AGBL4: variants seen among roughly 807,000 people sequenced by gnomAD.
AGBL4 encodes AGBL carboxypeptidase 4.
Under a neutral mutation model 66.4 loss-of-function variants are expected in AGBL4, and 58 were observed. The observed-to-expected ratio is 0.87, with a 90% CI of 0.71 to 1.09. The LOEUF (loss-of-function observed/expected upper bound fraction) is 1.09. Ranked by LOEUF, AGBL4 falls within the 50% of genes least tolerant of loss-of-function variation. AGBL4 has a pLI of 0.00. For synonymous variants in AGBL4, 234 were observed against 222.9 expected (o/e 1.05, Z -0.44); for missense variants, 579 against 631.0 (o/e 0.92, Z 0.88).
intron 5 of AGBL4, among the ~76,000 whole-genome samples, chr1:48,867,533 G>C (rs1289644661): frequency 6.6e-6 from 1 of 152,136 alleles, no homozygotes; most frequent in Non-Finnish European, 1.5e-5. Context: ...TAGAGCCACA[G>C]AGAAGGTCCC....
At chr1:48,862,471 G>A (rs540092879) in intron 6 of AGBL4, among the ~76,000 whole-genome samples, 2 of 152,152 alleles carry the variant, frequency 1.3e-5, no homozygotes, top group South Asian at 2.1e-4. Context: ...ACAGGCGCCC[G>A]CCACCACGCT....
At chr1:49,610,636 G>A (rs978389215) in intron 3 of AGBL4, among the ~76,000 whole-genome samples, 4 of 152,158 alleles carry the variant, frequency 2.6e-5, no homozygotes, top group Non-Finnish European at 5.9e-5. Flanking sequence ...GAGGCTTGAC[G>A]GAGCTATTTG....
At chr1:49,640,720 C>T (rs1004206137) in intron 3 of AGBL4, among the ~76,000 whole-genome samples, 2 of 152,214 alleles carry the variant, frequency 1.3e-5, no homozygotes, top group Non-Finnish European at 1.5e-5. Context: ...TGGAGAGATG[C>T]ATTTTTATAC....
Position 49,781,560 on chromosome 1 carries a change from A to C in AGBL4, c.157+69836T>G, listed in dbSNP as rs149739327. Among the ~76,000 whole-genome samples, 632 of 152,288 alleles carry C rather than the reference A, an allele frequency of 4.2e-3. 2 individuals carry two copies. Among genetic ancestry groups the C allele is most frequent in the Middle Eastern group, 0.02 (6 of 294 alleles). On this transcript the variant is annotated intron_variant, in intron 2 of 13. Coordinates refer to ENST00000371839, the MANE Select transcript of AGBL4 (RefSeq NM_032785.4). ...TTCAACAATCATATTTAGGGACTGC[A>C]ATACGCCATTTTCAATGAGGGGTAG...
chr1:48,565,706 A>C (rs1008237992), intron 11 of AGBL4, among the ~76,000 whole-genome samples: 1 of 152,152 alleles, frequency 6.6e-6, no homozygotes, highest in Non-Finnish European at 1.5e-5. Flanking sequence ...GACCTTGGGA[A>C]AGTTATTTTA....
At chr1:48,684,273 T>C (rs1320445987) in intron 6 of AGBL4, among the ~76,000 whole-genome samples, 1 of 152,196 alleles carries the variant, frequency 6.6e-6, no homozygotes, top group Admixed American at 6.5e-5. Flanking sequence ...CCCTGGACAG[T>C]GGTGAAGAGA....
chr1:49,802,894 T>A (rs1224177609), intron 2 of AGBL4, among the ~76,000 whole-genome samples: 2 of 152,222 alleles, frequency 1.3e-5, no homozygotes, highest in Admixed American at 6.5e-5. Context: ...ATTTAATTTA[T>A]CCAATAGTCA....
chr1:49,760,998 C>T (rs1307622678), intron 2 of AGBL4, among the ~76,000 whole-genome samples: 1 of 151,770 alleles, frequency 6.6e-6, no homozygotes, highest in Non-Finnish European at 1.5e-5. Flanking sequence ...GAGAGGGGAA[C>T]AACATGCACC....
chr1:49,463,367 A>C (rs1646556870), intron 3 of AGBL4, among the ~76,000 whole-genome samples: 1 of 151,706 alleles, frequency 6.6e-6, no homozygotes. Flanking sequence ...TCTTCCACTT[A>C]AAAATTTCAG....
Position 49,338,259 on chromosome 1 carries a change from A to G in AGBL4, c.283-92395T>C, listed in dbSNP as rs117420941. Among the ~76,000 whole-genome samples, 67 of 152,330 alleles carry G rather than the reference A, an allele frequency of 4.4e-4. No homozygotes were observed. In the East Asian group the frequency reaches 0.013, roughly 29 times the overall value. ...AGAGAATATGGAATACATAACTTCT[A>G]AACACTTTCTCATGCTGTTCATTTA... On this transcript the variant is annotated intron_variant, in intron 3 of 13. Coordinates refer to ENST00000371839, the MANE Select transcript of AGBL4 (RefSeq NM_032785.4).
intron 1 of AGBL4, among the ~76,000 whole-genome samples, chr1:49,903,984 G>A (rs1035657108): frequency 1.3e-5 from 2 of 152,114 alleles, no homozygotes; most frequent in African/African-American, 4.8e-5. Flanking sequence ...TAGGCATGGT[G>A]GCAGGGAGCA....
At chr1:49,345,286 TATC>T (rs1645614590) in intron 3 of AGBL4, among the ~76,000 whole-genome samples, 1 of 152,162 alleles carries the variant, frequency 6.6e-6, no homozygotes, top group African/African-American at 2.4e-5. Flanking sequence ...TACGTTAAAT[TATC>T]ATGTGCAACA....
intron 6 of AGBL4, among the ~76,000 whole-genome samples, chr1:48,807,407 A>T (rs182455338): frequency 2.0e-5 from 3 of 152,256 alleles, no homozygotes; most frequent in African/African-American, 7.2e-5. Flanking sequence ...AATTAAGAAG[A>T]ACAAAACTCC....
chr1:49,111,655 T>C (rs561772645), intron 4 of AGBL4, among the ~76,000 whole-genome samples: 3 of 152,332 alleles, frequency 2.0e-5, no homozygotes, highest in Non-Finnish European at 4.4e-5. Context: ...TTTTAAATTA[T>C]ATATGTATTT....
intron 5 of AGBL4, among the ~76,000 whole-genome samples, chr1:48,961,084 T>G (rs1657932854): frequency 7.0e-6 from 1 of 142,900 alleles, no homozygotes; most frequent in Non-Finnish European, 1.6e-5. Context: ...GTCTGGGGTG[T>G]GTGTGTGTGT....
Position 49,841,945 on chromosome 1 carries a change from G to A in AGBL4, c.157+9451C>T, listed in dbSNP as rs774375364. 363 of 588,434 alleles carry A rather than the reference G, an allele frequency of 6.2e-4. 3 individuals carry two copies. The Admixed American group carries it at 7.8e-3, about 13-fold the overall frequency. 36.5% of individuals were successfully genotyped at this position (588,434 alleles called of 1,614,324 possible). A position where few individuals can be genotyped will look rare whatever the true frequency, so the allele number is the denominator to read the frequency against. ...AGTGAGAATCTCGGCCTCCTCGAGCGTGTCCTCCACCTCGTACCTGGCCTC... is the reference window on the plus strand; with the variant it reads ...AGTGAGAATCTCGGCCTCCTCGAGCATGTCCTCCACCTCGTACCTGGCCTC... On this transcript the variant is annotated intron_variant, in intron 2 of 13. Coordinates refer to ENST00000371839, the MANE Select transcript of AGBL4 (RefSeq NM_032785.4).
At chr1:48,623,245 A>G (rs1282350685) in intron 9 of AGBL4, among the ~76,000 whole-genome samples, 2 of 152,348 alleles carry the variant, frequency 1.3e-5, no homozygotes, top group African/African-American at 4.8e-5. Flanking sequence ...AAGATTATCT[A>G]TACACTTTAG....
chr1:48,801,348 C>T (rs1294848921), intron 6 of AGBL4, among the ~76,000 whole-genome samples: 2 of 152,182 alleles, frequency 1.3e-5, no homozygotes, highest in Non-Finnish European at 1.5e-5. Context: ...TTCCCATTTA[C>T]CTCTTGGGTT....
chr1:49,789,623 A>G (rs1396346706), intron 2 of AGBL4, among the ~76,000 whole-genome samples: 1 of 152,210 alleles, frequency 6.6e-6, no homozygotes, highest in African/African-American at 2.4e-5. Context: ...AATACAACTT[A>G]CAAGGGATGT....
Sources: allele counts gnomAD v4.1 joint callset (sites outside exome capture counted in the v4.1 genomes callset), GRCh38; gene constraint gnomAD v4.1.1; transcripts MANE v1.5; gene names NCBI Gene and HGNC (gene_info 2026-07-23, HGNC 2026-07-21).